The following TBL1XR1 variants were observed in gnomAD, a reference collection of about 807,000 sequenced individuals.
TBL1XR1 encodes F-box-like/WD repeat-containing protein TBL1XR1.
A neutral mutation model predicts 66.9 loss-of-function variants in TBL1XR1; 5 were observed. That is an observed-to-expected ratio of 0.07 (90% CI 0.04 to 0.16). The LOEUF (loss-of-function observed/expected upper bound fraction) is 0.16. Among genes scored for constraint, TBL1XR1 ranks in the 10% least tolerant of loss-of-function variants. The pLI, the probability that TBL1XR1 is intolerant of heterozygous loss-of-function variation, is 1.00. For missense variants in TBL1XR1, 238 were observed against 623.2 expected (o/e 0.38, Z 6.58); for synonymous variants, 210 against 206.0 (o/e 1.02, Z -0.17).
intron 2 of TBL1XR1, among the ~76,000 whole-genome samples, chr3:177,088,078 G>A (rs1355953929): frequency 6.6e-6 from 1 of 152,110 alleles, no homozygotes; most frequent in Non-Finnish European, 1.5e-5. Context: ...TTCCTGAATA[G>A]TGCCTACACT....
At chr3:177,097,550 G>A (rs1723652705) in intron 2 of TBL1XR1, among the ~76,000 whole-genome samples, 1 of 152,036 alleles carries the variant, frequency 6.6e-6, no homozygotes, top group Non-Finnish European at 1.5e-5. Context: ...CTCCCACAGA[G>A]TCCACTAGTC....
chr3:177,086,293 A>C (rs1722107880), intron 2 of TBL1XR1, among the ~76,000 whole-genome samples: 1 of 152,020 alleles, frequency 6.6e-6, no homozygotes, highest in South Asian at 2.1e-4. Context: ...AGTCTTCAAA[A>C]TCCAGCATGC....
At chr3:177,081,216 A>C (rs1047543659) in intron 2 of TBL1XR1, among the ~76,000 whole-genome samples, 1 of 152,218 alleles carries the variant, frequency 6.6e-6, no homozygotes, top group African/African-American at 2.4e-5. Flanking sequence ...GTTCTTGGCC[A>C]GTCTTAAGAT....
chr3:177,063,957 C>T (rs1718837576), intron 3 of TBL1XR1, among the ~76,000 whole-genome samples: 1 of 152,166 alleles, frequency 6.6e-6, no homozygotes, highest in Non-Finnish European at 1.5e-5. Flanking sequence ...GACCGAAAGC[C>T]ATGTTTGTAT....
chr3:177,090,028 G>A (rs966797558), intron 2 of TBL1XR1, among the ~76,000 whole-genome samples: 5 of 152,154 alleles, frequency 3.3e-5, no homozygotes, highest in African/African-American at 7.2e-5. Flanking sequence ...ATGGCATAAT[G>A]CTTTACAGAA....
chr3:177,143,843 AAAC>A (rs1729921790), intron 1 of TBL1XR1, among the ~76,000 whole-genome samples: 1 of 152,214 alleles, frequency 6.6e-6, no homozygotes, highest in Non-Finnish European at 1.5e-5. Context: ...TGACTAAAGA[AAAC>A]AACGCTTTGG....
At position 177,194,434 on chromosome 3, in the gene TBL1XR1, A is replaced by T. The variant is rs565075726; in HGVS notation, c.-122+2687T>A. On this transcript the variant is annotated intron_variant, in intron 1 of 15. Coordinates refer to ENST00000457928, the MANE Select transcript of TBL1XR1 (RefSeq NM_024665.7). ...TCTCCCCTGACTTCCTACCATTCACATTCTTCTTTATTCTTTTTATATAAA... is the reference window on the plus strand; with the variant it reads ...TCTCCCCTGACTTCCTACCATTCACTTTCTTCTTTATTCTTTTTATATAAA... 1.7e-4 allele frequency among the ~76,000 whole-genome samples: 26 copies of T among 152,274 alleles called. No homozygotes were observed. The East Asian group carries it at 4.6e-3, about 27-fold the overall frequency.
rs538871207 is a variant in TBL1XR1, at chr3:177,125,464, G to A, written c.-121-26923C>T. Among the ~76,000 whole-genome samples, 7 of 152,276 alleles carry A rather than the reference G, an allele frequency of 4.6e-5. No individual in the cohort carries two copies. In the South Asian group the frequency reaches 1.5e-3, roughly 32 times the overall value. Reference sequence around the variant, plus strand: ...GCTGGTGGAAATGCAAAATGCTGCAGTCCTTTGGAAAACAGTCTGGCCGTT... The same window carrying A: ...GCTGGTGGAAATGCAAAATGCTGCAATCCTTTGGAAAACAGTCTGGCCGTT... On this transcript the variant is annotated intron_variant, in intron 1 of 15. Transcript: ENST00000457928.
chr3:177,038,240 A>G, intron 11 of TBL1XR1, 68 bp from the exon 12 acceptor site: 1 of 1,598,730 alleles, frequency 6.3e-7, no homozygotes, highest in Non-Finnish European at 8.5e-7. Context: ...TATTAAACAT[A>G]CATACTTTAA....
At chr3:177,029,997 G>A (rs762745527) in intron 14 of TBL1XR1, among the ~76,000 whole-genome samples, 2 of 152,136 alleles carry the variant, frequency 1.3e-5, no homozygotes, top group Non-Finnish European at 2.9e-5. Flanking sequence ...GATTAGAAAT[G>A]TAAATGGGTG....
chr3:177,023,468 C>T lies in TBL1XR1; in HGVS notation c.*2030G>A, dbSNP rs1712657692. On this transcript the variant is annotated 3_prime_UTR_variant, in exon 16 of 16. Coordinates refer to ENST00000457928, the MANE Select transcript of TBL1XR1 (RefSeq NM_024665.7). Reference sequence around the variant, plus strand: ...TCACAGGGTAATATGTTCTAAATATCTCTAATGTGATCCAAAACCCTAAAA... The same window carrying T: ...TCACAGGGTAATATGTTCTAAATATTTCTAATGTGATCCAAAACCCTAAAA... The T allele has an allele frequency of 6.6e-6, 1 of 152,462 alleles. No individual in the cohort carries two copies. The highest frequency in any genetic ancestry group is 1.5e-5 in the Non-Finnish European group (1 of 67,954). 9.4% of individuals were successfully genotyped at this position (152,462 alleles called of 1,614,324 possible).
intron 3 of TBL1XR1, among the ~76,000 whole-genome samples, chr3:177,054,766 T>G (rs191707850): frequency 7.2e-5 from 11 of 152,322 alleles, no homozygotes; most frequent in Non-Finnish European, 1.6e-4. Flanking sequence ...TATGAAATAT[T>G]TAAGAAATGA....
chr3:177,092,786 C>CTTTT (rs1723001214), intron 2 of TBL1XR1, among the ~76,000 whole-genome samples: 1 of 151,600 alleles, frequency 6.6e-6, no homozygotes, highest in Non-Finnish European at 1.5e-5. Context: ...AAAAGAATTC[C>CTTTT]AGTTCTAAAA....
rs1712190530 is a variant in TBL1XR1, at chr3:177,020,358, C to CTA, written c.*5138_*5139dup. 1 of 152,066 alleles carries CTA rather than the reference C, an allele frequency of 6.6e-6. No individual in the cohort carries two copies. Among genetic ancestry groups the CTA allele is most frequent in the African/African-American group, 2.4e-5 (1 of 41,400 alleles). 9.4% of individuals were successfully genotyped at this position (152,066 alleles called of 1,614,324 possible). On this transcript the variant is annotated 3_prime_UTR_variant, in exon 16 of 16. Transcript: ENST00000457928. ...ACAATCCCTTAGCTGATTAGATGCT[C>CTA]TATTATACTTTAATAAAAATAGTAA...
chr3:177,095,495 ATT>A (rs75499027), intron 2 of TBL1XR1, among the ~76,000 whole-genome samples: 2 of 70,526 alleles, frequency 2.8e-5, no homozygotes, highest in Admixed American at 1.8e-4. Flanking sequence ...GTGCAATTAG[ATT>A]TTTTTTTTTT....
chr3:177,060,700 G>A (rs9856815), intron 3 of TBL1XR1, among the ~76,000 whole-genome samples: 2,160 of 152,288 alleles, frequency 0.014, 64 homozygotes, highest in East Asian at 0.058. Flanking sequence ...GCAAAAGGTG[G>A]GGGAGAGATT....
intron 1 of TBL1XR1, among the ~76,000 whole-genome samples, chr3:177,193,138 G>A (rs61323382): frequency 0.064 from 9,646 of 151,410 alleles, 917 homozygotes; most frequent in East Asian, 0.49. Flanking sequence ...GGGCAACAGA[G>A]CGAAACTCCG....
intron 1 of TBL1XR1, among the ~76,000 whole-genome samples, chr3:177,159,993 G>C (rs1731982786): frequency 6.6e-6 from 1 of 152,166 alleles, no homozygotes; most frequent in African/African-American, 2.4e-5. Flanking sequence ...ATATAAAGTA[G>C]TGGTGAAGAG....
At chr3:177,136,539 C>T (rs1729020403) in intron 1 of TBL1XR1, among the ~76,000 whole-genome samples, 1 of 152,216 alleles carries the variant, frequency 6.6e-6, no homozygotes, top group African/African-American at 2.4e-5. Context: ...CTAGGCCTCC[C>T]AAAGTGCTGG....
Sources: gnomAD v4.1 joint callset for allele counts (sites outside exome capture counted in the v4.1 genomes callset) on GRCh38, gnomAD v4.1.1 for gene constraint, MANE v1.5 for transcripts, NCBI Gene and HGNC (gene_info 2026-07-23, HGNC 2026-07-21) for gene names.